The following LEO1 variants were observed in gnomAD, a reference collection of about 807,000 sequenced individuals.
LEO1 encodes RNA polymerase-associated protein LEO1.
LEO1 carries 34 observed loss-of-function variants against 80.4 expected under a neutral mutation model. The ratio of observed to expected loss-of-function variants is 0.42; its 90% CI spans 0.32 to 0.56. The LOEUF (loss-of-function observed/expected upper bound fraction) is 0.56. Among genes scored for constraint, LEO1 ranks in the 20% least tolerant of loss-of-function variants. The pLI, the probability that LEO1 is intolerant of heterozygous loss-of-function variation, is 0.10. For missense variants in LEO1, 631 were observed against 814.2 expected, an observed-to-expected ratio of 0.77 and a Z score of 2.74; for synonymous variants, 262 against 274.9, an observed-to-expected ratio of 0.95 and a Z score of 0.46.
intron 1 of LEO1, 107 bp downstream of exon 1, chr15:51,971,580 TG>T: frequency 9.1e-7 from 1 of 1,099,128 alleles, no homozygotes; most frequent in Non-Finnish European, 1.4e-6. Context: ...GAGGCAGGAG[TG>T]GAGGAAACGC....
intron 11 of LEO1, among the ~76,000 whole-genome samples, chr15:51,941,088 CAAAT>C (rs71426099): frequency 0.031 from 4,748 of 151,010 alleles, 115 homozygotes; most frequent in Non-Finnish European, 0.05. Flanking sequence ...AACAAACAAA[CAAAT>C]AAATAAATAA....
intron 1 of LEO1, among the ~76,000 whole-genome samples, chr15:51,969,772 C>T (rs1037011096): frequency 8.6e-5 from 12 of 139,150 alleles, no homozygotes; most frequent in African/African-American, 2.4e-4. Flanking sequence ...AACCCGGAGG[C>T]GGAGGTTGCA....
At chr15:51,970,068 C>T (rs187752926) in intron 1 of LEO1, among the ~76,000 whole-genome samples, 144 of 152,198 alleles carry the variant, frequency 9.5e-4, no homozygotes, top group African/African-American at 3.4e-3. Flanking sequence ...GGCTGCTCCT[C>T]AAAATATTAA....
chr15:51,945,793 G>A (rs148285338), intron 11 of LEO1, among the ~76,000 whole-genome samples: 2,678 of 152,176 alleles, frequency 0.018, 39 homozygotes, highest in Middle Eastern at 0.027. Flanking sequence ...CCAACACTTC[G>A]GGAGGCTGAG....
intron 2 of LEO1, 91 bp downstream of exon 2, chr15:51,965,658 G>C: frequency 6.7e-7 from 1 of 1,490,914 alleles, no homozygotes; most frequent in Non-Finnish European, 8.9e-7. Context: ...AGAAAAAACA[G>C]GGTAATAAAG....
chr15:51,947,024 C>T (rs1566880807), intron 11 of LEO1: 3 of 416,452 alleles, frequency 7.2e-6, no homozygotes, highest in African/African-American at 2.1e-5. Flanking sequence ...CTACCAGAGA[C>T]AGGACAGTTT....
At chr15:51,944,149 G>A (rs551042061) in intron 11 of LEO1, among the ~76,000 whole-genome samples, 19 of 152,252 alleles carry the variant, frequency 1.2e-4, no homozygotes, top group Admixed American at 6.5e-4. Context: ...AGAGAACCAC[G>A]TGCAGATACA....
chr15:51,948,377 T>C (rs2141752948), intron 10 of LEO1, among the ~76,000 whole-genome samples: 1 of 152,340 alleles, frequency 6.6e-6, no homozygotes, highest in South Asian at 2.1e-4. Context: ...TATTTAATTT[T>C]TGTGTGGTTT....
Position 51,966,523 on chromosome 15 carries a change from A to G in LEO1, c.59-19T>C. The G allele has an allele frequency of 2.9e-6, 4 of 1,400,934 alleles. No individual in the cohort carries two copies. The highest frequency in any genetic ancestry group is 1.3e-5 in the South Asian group (1 of 79,190). The allele number at this position is 1,400,934 out of a possible 1,614,324, so 86.8% of individuals were successfully genotyped here. Reference sequence around the variant, plus strand: ...TCAGAATCTATGGGGTCATATAAACATAGGATAACATAAGCAAAAAAAGGC... The same window carrying G: ...TCAGAATCTATGGGGTCATATAAACGTAGGATAACATAAGCAAAAAAAGGC... On this transcript the variant is annotated intron_variant, in intron 1 of 11. Transcript: ENST00000299601.
chr15:51,947,199 AT>A, intron 11 of LEO1, 92 bp downstream of exon 11: 2 of 823,278 alleles, frequency 2.4e-6, no homozygotes, highest in Non-Finnish European at 4.2e-6. Context: ...TAGACAACTA[AT>A]TTGTGCCTGC....
chr15:51,954,468 G>T lies in LEO1; in HGVS notation c.1340+13C>A. 6.4e-7 allele frequency: 1 copy of T among 1,573,452 alleles called. No individual in the cohort carries two copies. Among genetic ancestry groups the T allele is most frequent in the Middle Eastern group, 1.7e-4 (1 of 5,984 alleles). On this transcript the variant is annotated intron_variant, in intron 7 of 11. Transcript: ENST00000299601. Reference sequence around the variant, plus strand: ...CTGGGTATGTCAATACCCTTCAGGCGTTTTGTGCTCACCTTCCATCTGACC... The same window carrying T: ...CTGGGTATGTCAATACCCTTCAGGCTTTTTGTGCTCACCTTCCATCTGACC...
chr15:51,968,342 A>G (rs1377273106), intron 1 of LEO1, among the ~76,000 whole-genome samples: 1 of 152,220 alleles, frequency 6.6e-6, no homozygotes, highest in East Asian at 1.9e-4. Context: ...CAGGAGTTCC[A>G]GACCAGCCTG....
chr15:51,942,595 A>G lies in LEO1; in HGVS notation c.1897-4335T>C, dbSNP rs550034782. ...AAATGCATCATTAAGATGTTGCCTC[A>G]TCTAATTTAAAACAAATACGTTGCA... is the stretch of plus-strand genomic sequence containing the variant. On this transcript the variant is annotated intron_variant, in intron 11 of 11. Coordinates refer to ENST00000299601, the MANE Select transcript of LEO1 (RefSeq NM_138792.4). Among the ~76,000 whole-genome samples the G allele has an allele frequency of 3.3e-3, 499 of 152,346 alleles. 7 individuals carry two copies. Among genetic ancestry groups the G allele is most frequent in the Admixed American group, 5.6e-3 (85 of 15,294 alleles).
intron 6 of LEO1, among the ~76,000 whole-genome samples, chr15:51,958,481 A>T (rs903508427): frequency 2.6e-5 from 4 of 152,180 alleles, no homozygotes; most frequent in Non-Finnish European, 5.9e-5. Flanking sequence ...ACTTCTGCTG[A>T]ACCTACATCC....
Position 51,949,893 on chromosome 15 carries a change from T to A in LEO1, c.1713A>T (p.Glu571Asp), listed in dbSNP as rs778630387. 3 of 1,614,064 alleles carry A rather than the reference T, an allele frequency of 1.9e-6. No homozygotes were observed. The East Asian group carries it at 6.7e-5, about 36-fold the overall frequency. The stretch of plus-strand genomic sequence containing the variant: ...CCTCCTCCTCATCGTATCGATCAGG[T>A]TCCAGGTAACTGGCGCTCAGCCCCC... ...HQRGLSASYL[E>D]PDRYDEEEEG... is the part of the protein sequence containing the mutation. Residue 571 changes from glutamate (E) to aspartate (D), a missense_variant, in exon 10 of 12, where the codon GAA (glutamate) becomes GAT (aspartate). By Grantham distance (45) the Glu-to-Asp change is conservative (BLOSUM62 2). This residue lies in a region of LEO1 where 117 missense variants were observed against 163.5 expected (regional missense o/e 0.72). Transcript: ENST00000299601.
At chr15:51,957,642 T>C (rs2593186) in intron 6 of LEO1, among the ~76,000 whole-genome samples, 5,049 of 152,252 alleles carry the variant, frequency 0.033, 274 homozygotes, top group African/African-American at 0.12. Context: ...TAGTTGTTAA[T>C]ATACCACATT....
intron 2 of LEO1, 102 bp downstream of exon 2, chr15:51,965,647 G>C (rs1461484886): frequency 6.8e-7 from 1 of 1,462,694 alleles, no homozygotes. Context: ...GGGGACAGAA[G>C]AGAAAAAACA....
chr15:51,959,934 A>G lies in LEO1; in HGVS notation c.1125T>C (p.Phe375=), dbSNP rs760758339. Residue 375 remains phenylalanine (F), a synonymous_variant, in exon 5 of 12, where the codon TTT becomes TTC. Coordinates refer to ENST00000299601, the MANE Select transcript of LEO1 (RefSeq NM_138792.4). Reference sequence around the variant, plus strand: ...CACTGAGAAAGTTGGGCAGTTTAACAAAATATAAGTCGTTTCCTAAATCAG... The same window carrying G: ...CACTGAGAAAGTTGGGCAGTTTAACGAAATATAAGTCGTTTCCTAAATCAG... ...VNTDLGNDLY[F]VKLPNFLSVE... is the part of the protein sequence containing the mutation. The G allele has an allele frequency of 6.2e-7, 1 of 1,611,936 alleles. No individual in the cohort carries two copies. Among genetic ancestry groups the G allele is most frequent in the Non-Finnish European group, 8.5e-7 (1 of 1,179,238 alleles).
chr15:51,957,098 C>A (rs2056995522), intron 6 of LEO1, among the ~76,000 whole-genome samples: 1 of 152,162 alleles, frequency 6.6e-6, no homozygotes, highest in African/African-American at 2.4e-5. Context: ...ACTGGAATTA[C>A]AGATATGCGG....
Sources: gnomAD v4.1 joint callset for allele counts (sites outside exome capture counted in the v4.1 genomes callset) on GRCh38, gnomAD v4.1.1 for gene constraint, gnomAD v4.1.1 regional missense constraint, MANE v1.5 for transcripts, NCBI Gene and HGNC (gene_info 2026-07-23, HGNC 2026-07-21) for gene names.